Variants in PTPRO observed in about 807,000 individuals in gnomAD.
The protein encoded by PTPRO is receptor-type tyrosine-protein phosphatase O.
A neutral mutation model predicts 145.2 loss-of-function variants in PTPRO; 62 were observed. That is an observed-to-expected ratio of 0.43 (90% CI 0.35 to 0.53). PTPRO has a LOEUF of 0.53. Among genes scored for constraint, PTPRO ranks in the 20% least tolerant of loss-of-function variants. The pLI, the probability that PTPRO is intolerant of heterozygous loss-of-function variation, is 0.01. For missense variants in PTPRO, 1,345 were observed against 1,482.7 expected (o/e 0.91, Z 1.53); for synonymous variants, 565 against 514.7 (o/e 1.10, Z -1.32).
rs2136237360 is a variant in PTPRO at position 15,356,640 on chromosome 12, A to C, written c.75+33839A>C. On this transcript the variant is annotated intron_variant, in intron 1 of 26. Transcript: ENST00000281171. Reference sequence around the variant, plus strand: ...TTTAATGGCTGAATAGTATAGCAGAATGTTCATTGGGCTTTCCATCAAACA... The same window carrying C: ...TTTAATGGCTGAATAGTATAGCAGACTGTTCATTGGGCTTTCCATCAAACA... Among the ~76,000 whole-genome samples the C allele has an allele frequency of 2.0e-5, 3 of 152,296 alleles. No homozygotes were observed. In the South Asian group the frequency reaches 6.2e-4, roughly 32 times the overall value.
Position 15,388,881 on chromosome 12 carries a change from T to A in PTPRO, c.75+66080T>A, listed in dbSNP as rs558736358. ...ACCACATGTGATATCTGGTTTTTTT[T>A]AAATGAAATCCGCATAAAGTGTTCA... On this transcript the variant is annotated intron_variant, in intron 1 of 26. Transcript: ENST00000281171. Among the ~76,000 whole-genome samples the A allele has an allele frequency of 1.0e-3, 159 of 152,250 alleles. 1 individual carries two copies. In the South Asian group the frequency reaches 0.024, roughly 23 times the overall value.
chr12:15,335,011 AT>A (rs984281194), intron 1 of PTPRO, among the ~76,000 whole-genome samples: 6 of 152,070 alleles, frequency 3.9e-5, no homozygotes, highest in African/African-American at 9.7e-5. Flanking sequence ...GGAATTTCCA[AT>A]TTTAGTCAAG....
intron 25 of PTPRO, among the ~76,000 whole-genome samples, chr12:15,593,960 T>C (rs1160520758): frequency 6.6e-6 from 1 of 152,164 alleles, no homozygotes; most frequent in Non-Finnish European, 1.5e-5. Context: ...AGCTAAGTGC[T>C]AAGCATTAGG....
chr12:15,345,910 A>C (rs546529866), intron 1 of PTPRO, among the ~76,000 whole-genome samples: 1 of 152,008 alleles, frequency 6.6e-6, no homozygotes, highest in Non-Finnish European at 1.5e-5. Context: ...TGACCTCAAT[A>C]TCTTCCCCCA....
At chr12:15,363,118 AG>A (rs1328176076) in intron 1 of PTPRO, among the ~76,000 whole-genome samples, 1 of 152,182 alleles carries the variant, frequency 6.6e-6, no homozygotes, top group African/African-American at 2.4e-5. Flanking sequence ...GGGTATGTCT[AG>A]GGAGGAAAAT....
At chr12:15,543,102 T>C (rs1296598426) in intron 12 of PTPRO, among the ~76,000 whole-genome samples, 1 of 152,226 alleles carries the variant, frequency 6.6e-6, no homozygotes, top group Non-Finnish European at 1.5e-5. Flanking sequence ...CTGATTAATT[T>C]AGGGAAGCAC....
At chr12:15,517,781 G>A (rs909328198) in intron 9 of PTPRO, among the ~76,000 whole-genome samples, 2 of 152,238 alleles carry the variant, frequency 1.3e-5, no homozygotes, top group Admixed American at 6.5e-5. Flanking sequence ...TCATGCTGAT[G>A]CAAGAGGTGG....
At chr12:15,469,488 C>A (rs1282255970) in intron 1 of PTPRO, among the ~76,000 whole-genome samples, 1 of 152,126 alleles carries the variant, frequency 6.6e-6, no homozygotes, top group Non-Finnish European at 1.5e-5. Flanking sequence ...TGTGGGCCGA[C>A]CCCCTACCCA....
chr12:15,569,573 T>C, intron 19 of PTPRO, 75 bp downstream of exon 19: 1 of 1,320,054 alleles, frequency 7.6e-7, no homozygotes, highest in Non-Finnish European at 1.1e-6. Context: ...GTTGCGGTCA[T>C]GTCCCTGCTC....
intron 1 of PTPRO, among the ~76,000 whole-genome samples, chr12:15,428,039 G>A (rs552429685): frequency 2.6e-5 from 4 of 152,246 alleles, no homozygotes; most frequent in Admixed American, 6.5e-5. Flanking sequence ...TTTGCAGCAG[G>A]CTTCTTCCCT....
At position 15,392,720 on chromosome 12, in the gene PTPRO, C is replaced by CAAAAAAAAAAAAA. The variant is rs1177789187; in HGVS notation, c.75+69929_75+69941dup. ...TGGGTGACAGAGTGAGACCCTGTCTCAAAAAAAAAAAAAAAAAAAAAAGAA... is the reference window on the plus strand; with the variant it reads ...TGGGTGACAGAGTGAGACCCTGTCTCAAAAAAAAAAAAAAAAAAAAAAAAAAAAAAAAAAAGAA... On this transcript the variant is annotated intron_variant, in intron 1 of 26. Transcript: ENST00000281171. Among the ~76,000 whole-genome samples, 4 of 66,654 alleles carry CAAAAAAAAAAAAA rather than the reference C, an allele frequency of 6.0e-5. 1 individual carries two copies. Among genetic ancestry groups the CAAAAAAAAAAAAA allele is most frequent in the South Asian group, 1.5e-3 (2 of 1,312 alleles). The allele number at this position is 66,654 out of a possible 152,430, so 43.7% of individuals were successfully genotyped here.
At chr12:15,595,807 G>C (rs146417476) in intron 26 of PTPRO, 4 of 152,890 alleles carry the variant, frequency 2.6e-5, no homozygotes, top group Non-Finnish European at 5.8e-5. Context: ...TGGACCAGTG[G>C]GAAGGATAGG....
chr12:15,426,920 AT>A (rs1481193240), intron 1 of PTPRO, among the ~76,000 whole-genome samples: 5 of 152,048 alleles, frequency 3.3e-5, no homozygotes, highest in Non-Finnish European at 7.4e-5. Flanking sequence ...ATTATTAATT[AT>A]TTTTGTTACT....
chr12:15,427,212 T>G (rs2136335240), intron 1 of PTPRO, among the ~76,000 whole-genome samples: 1 of 152,184 alleles, frequency 6.6e-6, no homozygotes, highest in African/African-American at 2.4e-5. Flanking sequence ...AAAACAGATA[T>G]TGGAAATTCT....
At chr12:15,388,364 T>A (rs1939089295) in intron 1 of PTPRO, among the ~76,000 whole-genome samples, 1 of 152,198 alleles carries the variant, frequency 6.6e-6, no homozygotes, top group Admixed American at 6.5e-5. Flanking sequence ...CCACCCTGAG[T>A]TTTACTGTAC....
Position 15,362,396 on chromosome 12 carries a change from T to C in PTPRO, c.75+39595T>C, listed in dbSNP as rs542413401. On this transcript the variant is annotated intron_variant, in intron 1 of 26. Coordinates refer to ENST00000281171, the MANE Select transcript of PTPRO (RefSeq NM_030667.3). ...TCAGGTTTTGTCCAAAAGTGTTGTA[T>C]TTGCTTTGATTTTCAGAAGTTCAAT... is the stretch of plus-strand genomic sequence containing the variant. 3.3e-5 allele frequency among the ~76,000 whole-genome samples: 5 copies of C among 152,354 alleles called. No homozygotes were observed. In the South Asian group the frequency reaches 1.0e-3, roughly 32 times the overall value.
At chr12:15,366,037 G>T (rs1174768685) in intron 1 of PTPRO, among the ~76,000 whole-genome samples, 1 of 152,090 alleles carries the variant, frequency 6.6e-6, no homozygotes, top group Non-Finnish European at 1.5e-5. Flanking sequence ...TAGTAACTTG[G>T]CAGGACCAAA....
Position 15,597,704 on chromosome 12 carries a change from AC to A in PTPRO, c.*1634del, listed in dbSNP as rs1312680578. On this transcript the variant is annotated 3_prime_UTR_variant, in exon 27 of 27. Transcript: ENST00000281171. ...AGGGTGAATGGCAGAGGATGCCCAT[AC>A]CCTGCAGGTTAACAGCTTGGGCTCC... Among the ~76,000 whole-genome samples the A allele has an allele frequency of 5.9e-5, 9 of 152,196 alleles. No homozygotes were observed. Among genetic ancestry groups the A allele is most frequent in the Middle Eastern group, 3.4e-3 (1 of 294 alleles).
chr12:15,543,413 G>A (rs1591708648), intron 12 of PTPRO, among the ~76,000 whole-genome samples: 1 of 152,264 alleles, frequency 6.6e-6, no homozygotes, highest in East Asian at 1.9e-4. Flanking sequence ...GGACCACTGG[G>A]AGCTCTTGCA....
Sources: allele counts gnomAD v4.1 joint callset (sites outside exome capture counted in the v4.1 genomes callset), GRCh38; gene constraint gnomAD v4.1.1; transcripts MANE v1.5; gene names NCBI Gene and HGNC (gene_info 2026-07-23, HGNC 2026-07-21).